MYRIP: variants seen among roughly 807,000 people sequenced by gnomAD.
MYRIP encodes rab effector MyRIP.
In MYRIP, 49 loss-of-function variants were observed where a neutral mutation model predicts 98.0. The observed-to-expected ratio is 0.50, with a 90% CI of 0.40 to 0.63. The LOEUF is 0.63. Ranked by LOEUF, MYRIP falls within the 30% of genes least tolerant of loss-of-function variation. MYRIP has a pLI of 0.00. For synonymous variants in MYRIP, 404 were observed against 409.5 expected (o/e 0.99, Z 0.16); for missense variants, 1,004 against 1,058.2 (o/e 0.95, Z 0.71).
At chr3:39,937,773 G>A (rs566721968) in intron 2 of MYRIP, among the ~76,000 whole-genome samples, 3 of 152,288 alleles carry the variant, frequency 2.0e-5, no homozygotes, top group African/African-American at 7.2e-5. Context: ...ATTTTGTTTA[G>A]TGACACTAAG....
chr3:39,891,866 G>T (rs1943496611), intron 1 of MYRIP, among the ~76,000 whole-genome samples: 1 of 151,056 alleles, frequency 6.6e-6, no homozygotes, highest in African/African-American at 2.4e-5. Flanking sequence ...TTAAATTTTA[G>T]GACTACTAAC....
intron 3 of MYRIP, among the ~76,000 whole-genome samples, chr3:40,072,214 T>A (rs1157788028): frequency 6.6e-6 from 1 of 152,170 alleles, no homozygotes; most frequent in Admixed American, 6.5e-5. Context: ...TTTTATTTTT[T>A]ATTTATTTTT....
At chr3:39,941,165 G>A (rs528959976) in intron 2 of MYRIP, among the ~76,000 whole-genome samples, 1 of 152,214 alleles carries the variant, frequency 6.6e-6, no homozygotes, top group Non-Finnish European at 1.5e-5. Flanking sequence ...AAAGAAAAGA[G>A]GCTTATTTGG....
chr3:40,011,054 T>C (rs1946751150), intron 2 of MYRIP, among the ~76,000 whole-genome samples: 1 of 152,190 alleles, frequency 6.6e-6, no homozygotes, highest in South Asian at 2.1e-4. Flanking sequence ...GCATTTCTGA[T>C]CTACACAGCC....
intron 2 of MYRIP, among the ~76,000 whole-genome samples, chr3:40,036,302 C>CAAA (rs71091786): frequency 0.035 from 2,179 of 63,096 alleles, 56 homozygotes; most frequent in Middle Eastern, 0.062. Flanking sequence ...CAACTGATAC[C>CAAA]AAAAAAAAAA....
chr3:40,080,967 A>G (rs750389187), intron 3 of MYRIP, among the ~76,000 whole-genome samples: 2 of 151,592 alleles, frequency 1.3e-5, no homozygotes, highest in Non-Finnish European at 2.9e-5. Context: ...TTATCATTCA[A>G]TTCTTTTCTA....
intron 3 of MYRIP, among the ~76,000 whole-genome samples, chr3:40,047,507 A>T (rs1045199050): frequency 2.6e-5 from 4 of 152,236 alleles, no homozygotes. Context: ...GAACACACCC[A>T]CACTTGTTTA....
chr3:39,865,166 A>G (rs1055802106), intron 1 of MYRIP, among the ~76,000 whole-genome samples: 5 of 152,208 alleles, frequency 3.3e-5, no homozygotes, highest in African/African-American at 1.2e-4. Flanking sequence ...GGTGGATTAC[A>G]GACTTAAATG....
chr3:40,250,124 C>A, intron 13 of MYRIP, 98 bp from the exon 14 acceptor site: 2 of 968,374 alleles, frequency 2.1e-6, no homozygotes, highest in Non-Finnish European at 1.6e-6. Flanking sequence ...GAGCATACAT[C>A]AAAGCAGATT....
chr3:39,896,959 A>G lies in MYRIP; in HGVS notation c.-30-3828A>G, dbSNP rs191903887. ...ATTTTAGCCAGGAATAACATAGACAATTCTGCCTTTGTTTTGGTCTCCTAG... is the reference window on the plus strand; with the variant it reads ...ATTTTAGCCAGGAATAACATAGACAGTTCTGCCTTTGTTTTGGTCTCCTAG... On this transcript the variant is annotated intron_variant, in intron 1 of 16. Transcript: ENST00000302541. Among the ~76,000 whole-genome samples the G allele has an allele frequency of 5.1e-4, 78 of 152,286 alleles. 1 individual carries two copies. The highest frequency in any genetic ancestry group is 1.2e-3 in the South Asian group (6 of 4,832).
intron 12 of MYRIP, among the ~76,000 whole-genome samples, chr3:40,236,857 T>C (rs970930365): frequency 2.0e-5 from 3 of 151,994 alleles, no homozygotes; most frequent in African/African-American, 7.3e-5. Flanking sequence ...TTTTTTTTTT[T>C]AAGTAGAAAT....
At chr3:40,124,683 T>C (rs1211657767) in intron 3 of MYRIP, among the ~76,000 whole-genome samples, 1 of 152,166 alleles carries the variant, frequency 6.6e-6, no homozygotes, top group African/African-American at 2.4e-5. Context: ...GCAGGGATAT[T>C]CTGGCAGAGT....
At chr3:39,953,871 C>A (rs1346123828) in intron 2 of MYRIP, among the ~76,000 whole-genome samples, 2 of 152,298 alleles carry the variant, frequency 1.3e-5, no homozygotes, top group African/African-American at 2.4e-5. Flanking sequence ...TATCCCATGC[C>A]TGACTCAGAG....
At chr3:40,185,210 C>G (rs953163859) in intron 9 of MYRIP, among the ~76,000 whole-genome samples, 1 of 152,174 alleles carries the variant, frequency 6.6e-6, no homozygotes, top group African/African-American at 2.4e-5. Context: ...CAGTTGGGGT[C>G]AGTCTTAGGG....
intron 2 of MYRIP, among the ~76,000 whole-genome samples, chr3:40,002,833 A>G (rs1463629640): frequency 1.3e-5 from 2 of 152,228 alleles, no homozygotes; most frequent in East Asian, 3.9e-4. Context: ...GTATATGTAT[A>G]TATACACTCA....
chr3:40,118,344 G>C (rs1382433049), intron 3 of MYRIP, among the ~76,000 whole-genome samples: 4 of 152,172 alleles, frequency 2.6e-5, no homozygotes, highest in Non-Finnish European at 4.4e-5. Context: ...TATTTCATCT[G>C]TAGGAATTTA....
intron 3 of MYRIP, among the ~76,000 whole-genome samples, chr3:40,044,923 G>A (rs971660482): frequency 4.6e-5 from 7 of 152,200 alleles, no homozygotes; most frequent in African/African-American, 1.7e-4. Context: ...CTCCCTCAGC[G>A]ACCAGCAGAG....
intron 1 of MYRIP, among the ~76,000 whole-genome samples, chr3:39,889,657 T>C (rs996469624): frequency 7.2e-5 from 11 of 152,214 alleles, no homozygotes; most frequent in African/African-American, 2.7e-4. Context: ...TGTGCACATG[T>C]ACCCTAAAAC....
At chr3:40,133,867 G>A (rs1208451720) in intron 3 of MYRIP, among the ~76,000 whole-genome samples, 1 of 152,150 alleles carries the variant, frequency 6.6e-6, no homozygotes, top group Non-Finnish European at 1.5e-5. Flanking sequence ...ACTCTCATGG[G>A]CCCACAAGCA....
Sources: gnomAD v4.1 joint callset for allele counts (sites outside exome capture counted in the v4.1 genomes callset) on GRCh38, gnomAD v4.1.1 for gene constraint, MANE v1.5 for transcripts, NCBI Gene and HGNC (gene_info 2026-07-23, HGNC 2026-07-21) for gene names.